The following SHC4 variants were observed in gnomAD, a reference collection of about 807,000 sequenced individuals.
The protein encoded by SHC4 is SHC-transforming protein 4.
In SHC4, 41 loss-of-function variants were observed where a neutral mutation model predicts 69.4. That is an observed-to-expected ratio of 0.59 (90% CI 0.46 to 0.77). SHC4 has a LOEUF of 0.77. Ranked by LOEUF, SHC4 falls within the 30% of genes least tolerant of loss-of-function variation. The pLI is 0.00. For missense variants in SHC4, 777 were observed against 783.8 expected, an observed-to-expected ratio of 0.99 and a Z score of 0.10; for synonymous variants, 318 against 299.3, an observed-to-expected ratio of 1.06 and a Z score of -0.64.
intron 1 of SHC4, among the ~76,000 whole-genome samples, chr15:48,934,030 T>C (rs775351289): frequency 9.2e-5 from 14 of 152,150 alleles, no homozygotes; most frequent in Non-Finnish European, 2.1e-4. Context: ...AGGCAATGGT[T>C]TCTTAGATAT....
chr15:48,869,331 G>A (rs2140991722), intron 5 of SHC4, among the ~76,000 whole-genome samples: 1 of 152,102 alleles, frequency 6.6e-6, no homozygotes, highest in South Asian at 2.1e-4. Context: ...AGATGAGAAG[G>A]CTATTCATTA....
In SHC4 at chr15:48,878,510, C is replaced by T. The variant is rs772790872; in HGVS notation, c.840+5738G>A. 7 of 1,613,940 alleles carry T rather than the reference C, an allele frequency of 4.3e-6. No individual in the cohort carries two copies. In the Admixed American group the frequency reaches 8.3e-5, roughly 19 times the overall value. ...TGACTGGGAGGACGACTACGACTAT[C>T]CCGAAGAGGAGCAGCTCAGTGGTGC... On this transcript the variant is annotated intron_variant, in intron 4 of 11. Coordinates refer to ENST00000332408, the MANE Select transcript of SHC4 (RefSeq NM_203349.4).
At chr15:48,905,454 A>G (rs1900390978) in intron 2 of SHC4, among the ~76,000 whole-genome samples, 1 of 152,242 alleles carries the variant, frequency 6.6e-6, no homozygotes, top group Non-Finnish European at 1.5e-5. Flanking sequence ...GCTTCCCAGA[A>G]CAATGGTTCA....
rs573950684 is a variant in SHC4, at chr15:48,877,549, G to T, written c.841-5407C>A. The T allele has an allele frequency of 1.1e-5, 11 of 983,666 alleles. No individual in the cohort carries two copies. In the East Asian group the frequency reaches 1.0e-3, roughly 92 times the overall value. 60.9% of individuals were successfully genotyped at this position (983,666 alleles called of 1,614,324 possible). On this transcript the variant is annotated intron_variant, in intron 4 of 11. Transcript: ENST00000332408. The stretch of plus-strand genomic sequence containing the variant: ...AGATACATGTAAATGCAAATAAAAA[G>T]AATTCAAAGAATACACACCGCATTG...
chr15:48,948,928 C>T (rs1044102686), intron 1 of SHC4, among the ~76,000 whole-genome samples: 1 of 151,984 alleles, frequency 6.6e-6, no homozygotes, highest in African/African-American at 2.4e-5. Context: ...TCACACACCT[C>T]CCTCTCATCT....
chr15:48,826,314 C>A (rs1445643784), intron 11 of SHC4, among the ~76,000 whole-genome samples, 188 bp from the exon 12 acceptor site: 1 of 150,590 alleles, frequency 6.6e-6, no homozygotes, highest in East Asian at 1.9e-4. Context: ...TGTAGTGGCA[C>A]GATCTCGACT....
At chr15:48,942,930 C>A (rs567287425) in intron 1 of SHC4, among the ~76,000 whole-genome samples, 2 of 152,318 alleles carry the variant, frequency 1.3e-5, no homozygotes, top group East Asian at 3.9e-4. Flanking sequence ...GTAGGTGATA[C>A]CATGCTGGCT....
In SHC4 at chr15:48,910,346, G is replaced by A. The variant is rs148831597; in HGVS notation, c.656+14533C>T. ...CTTCTAGGTTTTCTAGTTTATGTGC[G>A]TAAAGGTGCTCATAGTAGCCTTGAA... On this transcript the variant is annotated intron_variant, in intron 2 of 11. Transcript: ENST00000332408. 1.0e-3 allele frequency among the ~76,000 whole-genome samples: 154 copies of A among 152,110 alleles called. 2 individuals are homozygous for A. The highest frequency in any genetic ancestry group is 8.2e-3 in the Admixed American group (125 of 15,280).
intron 9 of SHC4, among the ~76,000 whole-genome samples, chr15:48,844,057 T>C (rs1691725713): frequency 6.6e-6 from 1 of 152,206 alleles, no homozygotes; most frequent in African/African-American, 2.4e-5. Context: ...ACTAAATTAA[T>C]TTATAAATAA....
intron 1 of SHC4, among the ~76,000 whole-genome samples, chr15:48,956,166 C>T (rs189285167): frequency 3.9e-5 from 6 of 152,150 alleles, no homozygotes; most frequent in African/African-American, 1.4e-4. Context: ...ACCCTCAATG[C>T]CAAGTCATCA....
intron 2 of SHC4, among the ~76,000 whole-genome samples, chr15:48,904,289 C>CT (rs1393620292): frequency 6.6e-6 from 1 of 152,136 alleles, no homozygotes; most frequent in Non-Finnish European, 1.5e-5. Flanking sequence ...TTTAATTTCT[C>CT]TAAGTCTCAA....
chr15:48,888,579 A>C (rs1378778154), intron 3 of SHC4, among the ~76,000 whole-genome samples: 2 of 152,152 alleles, frequency 1.3e-5, no homozygotes, highest in Non-Finnish European at 2.9e-5. Flanking sequence ...ACTTAATACC[A>C]CTGAACTGTA....
intron 2 of SHC4, among the ~76,000 whole-genome samples, chr15:48,914,829 G>C (rs1305808639): frequency 6.6e-6 from 1 of 152,030 alleles, no homozygotes. Context: ...TCACATTGTT[G>C]TGCAACTATC....
chr15:48,958,516 G>T (rs1275896042), intron 1 of SHC4, among the ~76,000 whole-genome samples: 1 of 152,216 alleles, frequency 6.6e-6, no homozygotes, highest in Non-Finnish European at 1.5e-5. Flanking sequence ...GCTCGTCAAG[G>T]TTGGTTTCTT....
At chr15:48,920,750 T>C (rs998058406) in intron 2 of SHC4, among the ~76,000 whole-genome samples, 9 of 152,186 alleles carry the variant, frequency 5.9e-5, no homozygotes, top group Non-Finnish European at 8.8e-5. Flanking sequence ...ATAATCAAGA[T>C]ATATATATGA....
intron 11 of SHC4, 36 bp downstream of exon 11, chr15:48,834,733 C>T: frequency 6.2e-7 from 1 of 1,608,592 alleles, no homozygotes; most frequent in Non-Finnish European, 8.5e-7. Flanking sequence ...AATAGAACAA[C>T]ATCCTGTGAA....
chr15:48,869,408 A>G (rs1453983623), intron 5 of SHC4, among the ~76,000 whole-genome samples: 1 of 152,226 alleles, frequency 6.6e-6, no homozygotes, highest in Non-Finnish European at 1.5e-5. Flanking sequence ...CTTTTAAGTC[A>G]GCTTCCTACC....
intron 2 of SHC4, among the ~76,000 whole-genome samples, chr15:48,911,994 G>C (rs1900516712): frequency 6.6e-6 from 1 of 152,148 alleles, no homozygotes; most frequent in Non-Finnish European, 1.5e-5. Flanking sequence ...TTCCTTTATA[G>C]GTTACCTGGT....
intron 8 of SHC4, among the ~76,000 whole-genome samples, chr15:48,854,333 C>T (rs1003502114): frequency 1.8e-4 from 27 of 152,240 alleles, no homozygotes; most frequent in African/African-American, 6.5e-4. Flanking sequence ...GGCAAGGCTG[C>T]AGAGAAAGGG....
Sources: gnomAD v4.1 joint callset for allele counts (sites outside exome capture counted in the v4.1 genomes callset) on GRCh38, gnomAD v4.1.1 for gene constraint, MANE v1.5 for transcripts, NCBI Gene and HGNC (gene_info 2026-07-23, HGNC 2026-07-21) for gene names.